Variants in ARHGAP17 observed in about 807,000 individuals in gnomAD.
ARHGAP17 encodes Rho GTPase activating protein 17.
ARHGAP17 carries 57 observed loss-of-function variants against 99.5 expected under a neutral mutation model. That is an observed-to-expected ratio of 0.57 (90% confidence interval 0.46 to 0.71). The LOEUF (loss-of-function observed/expected upper bound fraction) is 0.71, where lower values mean the gene tolerates loss of function less well. ARHGAP17 is among the 30% of genes least tolerant of loss of function. ARHGAP17 has a pLI of 0.00. For missense variants in ARHGAP17, 1,000 were observed against 1,122.4 expected (o/e 0.89, Z 1.56); for synonymous variants, 417 against 429.6 (o/e 0.97, Z 0.36).
intron 13 of ARHGAP17, chr16:24,949,132 T>A: frequency 3.3e-6 from 1 of 306,178 alleles, no homozygotes. Context: ...CACTCAAACT[T>A]TTCACAAGAA....
intron 1 of ARHGAP17, among the ~76,000 whole-genome samples, chr16:25,001,515 T>G (rs2053359293): frequency 6.6e-6 from 1 of 152,196 alleles, no homozygotes; most frequent in South Asian, 2.1e-4. Flanking sequence ...GAAGATGAGA[T>G]GCCAAAACTC....
At chr16:24,983,589 G>A (rs144549161) in intron 1 of ARHGAP17, among the ~76,000 whole-genome samples, 71 of 152,258 alleles carry the variant, frequency 4.7e-4, no homozygotes, top group Admixed American at 9.2e-4. Flanking sequence ...GAGCCACTGC[G>A]CCCAGCCTAG....
rs375899646 is a variant in ARHGAP17, at chr16:24,943,744, G to A, written c.1333+27C>T. The stretch of plus-strand genomic sequence containing the variant: ...TGTACGATTATCACATTGCTTTGGC[G>A]GTCAATGAAACTGAAGTGAGAATTA... On this transcript the variant is annotated intron_variant, in intron 15 of 19. Coordinates refer to ENST00000289968, the MANE Select transcript of ARHGAP17 (RefSeq NM_001006634.3). 8.3e-5 allele frequency: 132 copies of A among 1,590,688 alleles called. 1 individual carries two copies. In the Middle Eastern group the frequency reaches 1.3e-3, roughly 16 times the overall value.
At chr16:24,992,581 A>T (rs1183871327) in intron 1 of ARHGAP17, among the ~76,000 whole-genome samples, 1 of 152,016 alleles carries the variant, frequency 6.6e-6, no homozygotes, top group Non-Finnish European at 1.5e-5. Flanking sequence ...TGATCCGCCC[A>T]CCTCGGCCTC....
In ARHGAP17 at chr16:24,937,220, G is replaced by A. The variant is rs535569347; in HGVS notation, c.1725-1581C>T. On this transcript the variant is annotated intron_variant, in intron 17 of 19. Coordinates refer to ENST00000289968, the MANE Select transcript of ARHGAP17 (RefSeq NM_001006634.3). ...GTGGATCACTTGAGGTCAGGACATC[G>A]CGACCAGCCTGGCAAACATGGTGAA... Among the ~76,000 whole-genome samples, 35 of 151,574 alleles carry A rather than the reference G, an allele frequency of 2.3e-4. No homozygotes were observed. The East Asian group carries it at 5.8e-3, about 25-fold the overall frequency.
Position 24,935,451 on chromosome 16 carries a change from G to A in ARHGAP17, c.1894+19C>T, listed in dbSNP as rs1313711203. On this transcript the variant is annotated intron_variant, in intron 18 of 19. Coordinates refer to ENST00000289968, the MANE Select transcript of ARHGAP17 (RefSeq NM_001006634.3). Reference sequence around the variant, plus strand: ...CTGCACAGGCTTCCCTGAGGGCAAGGAGGACGGTGGCTGCTTACCTCGGCG... The same window carrying A: ...CTGCACAGGCTTCCCTGAGGGCAAGAAGGACGGTGGCTGCTTACCTCGGCG... 3 of 1,568,614 alleles carry A rather than the reference G, an allele frequency of 1.9e-6. No individual in the cohort carries two copies. Among genetic ancestry groups the A allele is most frequent in the Non-Finnish European group, 2.6e-6 (3 of 1,156,206 alleles).
At chr16:24,944,491 C>T (rs188580755) in intron 14 of ARHGAP17, among the ~76,000 whole-genome samples, 1 of 152,256 alleles carries the variant, frequency 6.6e-6, no homozygotes, top group East Asian at 1.9e-4. Context: ...GTTGCACTTT[C>T]CCACTGGAAT....
At chr16:24,956,115 G>A (rs62032849) in intron 9 of ARHGAP17, 47,129 of 152,096 alleles carry the variant, frequency 0.31, 8,349 homozygotes, top group Non-Finnish European at 0.42. Context: ...AAATGGCCAC[G>A]TGAGCCTTCC....
chr16:24,995,178 C>G (rs1353401551), intron 1 of ARHGAP17, among the ~76,000 whole-genome samples: 2 of 152,172 alleles, frequency 1.3e-5, no homozygotes, highest in Admixed American at 1.3e-4. Flanking sequence ...CCTTCCACGA[C>G]ACGTGGGGAT....
intron 7 of ARHGAP17, among the ~76,000 whole-genome samples, chr16:24,962,392 A>G (rs1419200918): frequency 6.6e-6 from 1 of 152,232 alleles, no homozygotes; most frequent in East Asian, 1.9e-4. Context: ...TGCACTTAGC[A>G]TCACATGGAA....
In ARHGAP17 at chr16:24,942,086, T is replaced by C; in HGVS notation, c.1391A>G (p.His464Arg). ...AGAGTCGTTTCCAGTGTGGAATGAG[T>C]GATTAGAACTCGGGGTGGTGAGAGG... ...FVPLTTPSSN[H>R]SFHTGNDSDS... Residue 464 changes from histidine to arginine, a missense_variant, in exon 16 of 20, where the codon CAC (histidine) becomes CGC (arginine). By Grantham distance (29) the His-to-Arg change is conservative. Around this residue, in one of 2 missense-constraint regions of ARHGAP17, gnomAD observed 472 missense variants for 611.1 expected, o/e 0.77. Coordinates refer to ENST00000289968, the MANE Select transcript of ARHGAP17 (RefSeq NM_001006634.3). 6.2e-7 allele frequency: 1 copy of C among 1,610,864 alleles called. No homozygotes were observed. The highest frequency in any genetic ancestry group is 8.5e-7 in the Non-Finnish European group (1 of 1,178,360).
intron 18 of ARHGAP17, among the ~76,000 whole-genome samples, chr16:24,933,425 T>C (rs76508491): frequency 0.038 from 5,795 of 150,808 alleles, 286 homozygotes; most frequent in African/African-American, 0.12. Flanking sequence ...GAGGATGCAG[T>C]GAGCTATTAT....
chr16:24,986,783 G>C (rs2052883524), intron 1 of ARHGAP17, among the ~76,000 whole-genome samples: 1 of 152,220 alleles, frequency 6.6e-6, no homozygotes, highest in East Asian at 1.9e-4. Context: ...GAATCACTTT[G>C]AGGATGGGTG....
intron 17 of ARHGAP17, among the ~76,000 whole-genome samples, chr16:24,938,783 A>G (rs1326242369): frequency 6.7e-6 from 1 of 149,358 alleles, no homozygotes; most frequent in African/African-American, 2.6e-5. Flanking sequence ...GAAAAAAAAA[A>G]AAAAAAAAGA....
At chr16:24,996,334 TC>T (rs763620703) in intron 1 of ARHGAP17, among the ~76,000 whole-genome samples, 8 of 152,160 alleles carry the variant, frequency 5.3e-5, no homozygotes, top group Non-Finnish European at 8.8e-5. Flanking sequence ...AATCAACTGA[TC>T]AAATGGCAGG....
intron 6 of ARHGAP17, among the ~76,000 whole-genome samples, chr16:24,965,020 T>C (rs547878807): frequency 1.7e-3 from 256 of 152,198 alleles, no homozygotes; most frequent in Non-Finnish European, 2.8e-3. Flanking sequence ...AAAGAAACTA[T>C]AGTAATAATA....
chr16:24,940,391 A>C (rs1392942962), intron 16 of ARHGAP17, among the ~76,000 whole-genome samples: 1 of 152,160 alleles, frequency 6.6e-6, no homozygotes, highest in African/African-American at 2.4e-5. Flanking sequence ...CTACATGTGA[A>C]AGGTACATAA....
At chr16:24,974,120 A>C (rs1246903725) in intron 3 of ARHGAP17, among the ~76,000 whole-genome samples, 4 of 152,208 alleles carry the variant, frequency 2.6e-5, no homozygotes, top group Non-Finnish European at 4.4e-5. Context: ...GAACTATTTC[A>C]CCAGGCACTA....
intron 1 of ARHGAP17, among the ~76,000 whole-genome samples, chr16:25,004,257 C>A (rs2053448143): frequency 6.6e-6 from 1 of 152,132 alleles, no homozygotes; most frequent in South Asian, 2.1e-4. Flanking sequence ...GACTCTGCCT[C>A]CATGAAAAAA....
Sources: gnomAD v4.1 joint callset for allele counts (sites outside exome capture counted in the v4.1 genomes callset) on GRCh38, gnomAD v4.1.1 for gene constraint, gnomAD v4.1.1 regional missense constraint, MANE v1.5 for transcripts, NCBI Gene and HGNC (gene_info 2026-07-23, HGNC 2026-07-21) for gene names.